ZNF728: variants seen among roughly 807,000 people sequenced by gnomAD.
The protein encoded by ZNF728 is zinc finger protein 728.
ZNF728 carries 12 observed loss-of-function variants against 12.5 expected under a neutral mutation model. That is an observed-to-expected ratio of 0.96 (90% CI 0.61 to 1.55). The LOEUF is 1.55. ZNF728 is among the 40% of genes most tolerant of loss of function. The probability of loss-of-function intolerance (pLI) is 0.00; values close to 1 mark genes in which losing one functional copy is unlikely to be tolerated. For synonymous variants in ZNF728, 205 were observed against 240.7 expected (o/e 0.85, Z 1.37); for missense variants, 692 against 719.2 (o/e 0.96, Z 0.43).
chr19:22,976,178 T>G lies in ZNF728; in HGVS notation c.1159A>C (p.Lys387Gln). The change falls in exon 4 of 4, where the codon AAG (lysine) becomes CAG (glutamine). Residue 387 changes from lysine to glutamine, a missense_variant. By Grantham distance (53) the Lys-to-Gln change is moderately conservative. Coordinates refer to ENST00000594710, the MANE Select transcript of ZNF728 (RefSeq NM_001267716.2). Reference protein sequence around the residue: ...FSWPSSLTEHKRIHAGDKPYK... With the variant: ...FSWPSSLTEHQRIHAGDKPYK... ...GGTTTGTCTCCAGCATGAATTCTCT[T>G]GTGTTCAGTAAGGCTTGAGGGCCAG... 1 of 1,611,154 alleles carries G rather than the reference T, an allele frequency of 6.2e-7. No homozygotes were observed. The highest frequency in any genetic ancestry group is 2.2e-5 in the East Asian group (1 of 44,848).
chr19:22,993,455 T>C (rs935051390), intron 1 of ZNF728, among the ~76,000 whole-genome samples: 26 of 152,208 alleles, frequency 1.7e-4, no homozygotes, highest in Admixed American at 7.2e-4. Flanking sequence ...ACATTCTAAA[T>C]AATATTTTAC....
intron 3 of ZNF728, among the ~76,000 whole-genome samples, chr19:22,978,013 T>C (rs1426528014): frequency 6.6e-6 from 1 of 151,700 alleles, no homozygotes; most frequent in East Asian, 1.9e-4. Context: ...AGAACAAAAA[T>C]ATCTACATTG....
At chr19:22,984,274 T>A (rs904428555) in intron 3 of ZNF728, among the ~76,000 whole-genome samples, 4 of 151,290 alleles carry the variant, frequency 2.6e-5, no homozygotes, top group African/African-American at 9.7e-5. Flanking sequence ...GAAAAAAAAA[T>A]ATGCCAGGCA....
At chr19:22,995,794 C>G (rs1294140480) in intron 1 of ZNF728, 2 of 152,150 alleles carry the variant, frequency 1.3e-5, no homozygotes, top group Non-Finnish European at 2.9e-5. Context: ...ATTTCCTAAC[C>G]ATTGAATGTG....
At chr19:22,980,626 T>C (rs1968852160) in intron 3 of ZNF728, among the ~76,000 whole-genome samples, 1 of 152,070 alleles carries the variant, frequency 6.6e-6, no homozygotes, top group African/African-American at 2.4e-5. Flanking sequence ...ACCACATAAT[T>C]GGAAGTAAAA....
intron 3 of ZNF728, among the ~76,000 whole-genome samples, chr19:22,978,655 G>A: frequency 6.6e-6 from 1 of 152,162 alleles, no homozygotes; most frequent in Admixed American, 6.5e-5. Flanking sequence ...AGCTTCCAGA[G>A]GAATGAATGG....
At chr19:22,994,155 C>T (rs183378772) in intron 1 of ZNF728, among the ~76,000 whole-genome samples, 16 of 152,318 alleles carry the variant, frequency 1.1e-4, no homozygotes, top group Non-Finnish European at 2.1e-4. Flanking sequence ...TGGCTAATAT[C>T]TGACCAATGA....
chr19:22,975,706 G>C lies in ZNF728; in HGVS notation c.1631C>G (p.Ala544Gly), dbSNP rs779732306. ...ACTAAGTCTTGAGGACCAGATGAAG[G>C]CTTTGCCACATTCTTCACATTTGTA... Reference protein sequence around the residue: ...KQYKCEECGKAFIWSSRLSEH... With the variant: ...KQYKCEECGKGFIWSSRLSEH... Residue 544 changes from alanine (A) to glycine (G), a missense_variant, in exon 4 of 4, where the codon GCC (alanine) becomes GGC (glycine). Ala to Gly is a moderately conservative substitution (Grantham distance 60, BLOSUM62 0). Transcript: ENST00000594710. The C allele has an allele frequency of 6.2e-7, 1 of 1,610,030 alleles. No homozygotes were observed. The highest frequency in any genetic ancestry group is 2.2e-5 in the East Asian group (1 of 44,682).
chr19:22,995,444 T>A (rs1392965209), intron 1 of ZNF728: 1 of 152,264 alleles, frequency 6.6e-6, no homozygotes, highest in African/African-American at 2.4e-5. Flanking sequence ...GCAGAATTTT[T>A]TTTTTTTTTT....
Position 22,984,390 on chromosome 19 carries a change from C to G in ZNF728, c.226+2918G>C, listed in dbSNP as rs116221674. ...TCTGGCCAACATAGTGAAACCCTGT[C>G]TCTACTAAAATGTGAAAAACTAGCC... On this transcript the variant is annotated intron_variant, in intron 3 of 3. Transcript: ENST00000594710. Among the ~76,000 whole-genome samples, 909 of 151,910 alleles carry G rather than the reference C, an allele frequency of 6.0e-3. 9 individuals are homozygous for G. The highest frequency in any genetic ancestry group is 0.021 in the African/African-American group (859 of 41,444).
At chr19:22,980,204 A>C (rs1599527181) in intron 3 of ZNF728, among the ~76,000 whole-genome samples, 3 of 75,628 alleles carry the variant, frequency 4.0e-5, no homozygotes, top group African/African-American at 1.4e-4. Context: ...AAAAGAAACA[A>C]AAAAAAAAAA....
In ZNF728 at chr19:22,986,544, C is replaced by T. The variant is rs143812572; in HGVS notation, c.226+764G>A. Among the ~76,000 whole-genome samples, 1,163 of 151,724 alleles carry T rather than the reference C, an allele frequency of 7.7e-3. 12 individuals are homozygous for T. The highest frequency in any genetic ancestry group is 0.023 in the Admixed American group (347 of 15,242). ...ATAAATATCCGAGAACAAATTTAAC[C>T]GAGGAGCTGAAAAACTTTTCAAGTG... On this transcript the variant is annotated intron_variant, in intron 3 of 3. Transcript: ENST00000594710.
intron 1 of ZNF728, among the ~76,000 whole-genome samples, chr19:23,001,307 A>G (rs1908942): frequency 0.31 from 46,569 of 152,180 alleles, 9,252 homozygotes; most frequent in African/African-American, 0.57. Context: ...TTGGGTAAAG[A>G]CAATATTAAT....
chr19:22,986,426 A>G (rs936814147), intron 3 of ZNF728, among the ~76,000 whole-genome samples: 1 of 152,222 alleles, frequency 6.6e-6, no homozygotes, highest in Admixed American at 6.5e-5. Flanking sequence ...TTAGCAAAAT[A>G]TAAAATTAAC....
chr19:22,975,536 A>C lies in ZNF728; in HGVS notation c.1801T>G (p.Phe601Val). ...GTAGTAAGGTGTGAGGATTGGTTGA[A>C]GTCTTTACCACATTCTTCACATTTG... Reference protein sequence around the residue: ...FYKCEECGKDFNQSSHLTTHK... With the variant: ...FYKCEECGKDVNQSSHLTTHK... Residue 601 changes from phenylalanine to valine, a missense_variant, in exon 4 of 4, where the codon TTC becomes GTC. Physicochemically the swap from Phe to Val is conservative, Grantham distance 50. Transcript: ENST00000594710. 4 of 1,575,092 alleles carry C rather than the reference A, an allele frequency of 2.5e-6. No homozygotes were observed. Among genetic ancestry groups the C allele is most frequent in the Non-Finnish European group, 3.4e-6 (4 of 1,162,082 alleles).
chr19:22,987,058 T>A (rs1053708026), intron 3 of ZNF728, among the ~76,000 whole-genome samples: 3 of 152,200 alleles, frequency 2.0e-5, no homozygotes, highest in Non-Finnish European at 4.4e-5. Context: ...TTGTATGCCA[T>A]GAACAGTACT....
Position 22,987,355 on chromosome 19 carries a change from T to C in ZNF728, c.179A>G (p.Lys60Arg). 6.2e-7 allele frequency: 1 copy of C among 1,612,754 alleles called. No individual in the cohort carries two copies. Among genetic ancestry groups the C allele is most frequent in the Non-Finnish European group, 8.5e-7 (1 of 1,179,364 alleles). The change falls in exon 3 of 4, where the codon AAA becomes AGA. Residue 60 changes from lysine (K) to arginine (R), a missense_variant. Around this residue, in one of 3 missense-constraint regions of ZNF728, gnomAD observed 440 missense variants for 459.6 expected, o/e 0.96. Transcript: ENST00000594710. ...PDLIIFLEQG[K>R]EPWNMKRHEL... is the part of the protein sequence containing the mutation. ...ATGTCTCTTCATATTCCAGGGCTCT[T>C]TTCCTTGCTCCAGAAAAATGATCAG...
intron 3 of ZNF728, among the ~76,000 whole-genome samples, chr19:22,985,175 T>G (rs1010210149): frequency 2.0e-5 from 3 of 152,174 alleles, no homozygotes; most frequent in African/African-American, 7.2e-5. Context: ...GATAACATTA[T>G]GCAAAATGAA....
intron 3 of ZNF728, among the ~76,000 whole-genome samples, chr19:22,982,967 TA>T (rs1396561910): frequency 1.3e-5 from 2 of 152,072 alleles, no homozygotes. Context: ...ACTTCATGAC[TA>T]AATCACCAAC....
Sources: gnomAD v4.1 joint callset for allele counts (sites outside exome capture counted in the v4.1 genomes callset) on GRCh38, gnomAD v4.1.1 for gene constraint, gnomAD v4.1.1 regional missense constraint, MANE v1.5 for transcripts, NCBI Gene and HGNC (gene_info 2026-07-23, HGNC 2026-07-21) for gene names.